PAFAH1B2: variants seen among roughly 807,000 people sequenced by gnomAD.
The protein encoded by PAFAH1B2 is platelet-activating factor acetylhydrolase IB subunit alpha2.
A neutral mutation model predicts 28.0 loss-of-function variants in PAFAH1B2; 8 were observed. The ratio of observed to expected loss-of-function variants is 0.29; its 90% confidence interval spans 0.17 to 0.52. The LOEUF is 0.52. Among genes scored for constraint, PAFAH1B2 ranks in the 20% least tolerant of loss-of-function variants. The pLI is 0.97. For synonymous variants in PAFAH1B2, 104 were observed against 103.2 expected (o/e 1.01, Z -0.05); for missense variants, 190 against 282.6 (o/e 0.67, Z 2.35).
intron 2 of PAFAH1B2, among the ~76,000 whole-genome samples, chr11:117,154,429 T>G (rs1191809269): frequency 6.6e-6 from 1 of 152,194 alleles, no homozygotes; most frequent in Non-Finnish European, 1.5e-5. Flanking sequence ...TTTTAAAAAT[T>G]TTTTTGGAGA....
downstream of PAFAH1B2, among the ~76,000 whole-genome samples, chr11:117,172,386 ATATATATATATATATATATTTT>A (rs1956684600): frequency 5.3e-4 from 1 of 1,876 alleles, no homozygotes; most frequent in African/African-American, 2.0e-3. Flanking sequence ...ATATATATAT[ATATATATATATATATATATTTT>A]TTTTTTTTTT....
In PAFAH1B2 at chr11:117,170,024, T is replaced by C; in HGVS notation, c.*2325T>C. On this transcript the variant is annotated 3_prime_UTR_variant, in exon 6 of 6. Transcript: ENST00000527958. Reference sequence around the variant, plus strand: ...TACCAGAGCTATTCAAGCAATAGTATTTGAACCACTAGCCTTTTAAATAAA... The same window carrying C: ...TACCAGAGCTATTCAAGCAATAGTACTTGAACCACTAGCCTTTTAAATAAA... The C allele has an allele frequency of 9.5e-7, 1 of 1,054,762 alleles. No individual in the cohort carries two copies. Among genetic ancestry groups the C allele is most frequent in the Non-Finnish European group, 1.1e-6 (1 of 872,762 alleles). The allele number at this position is 1,054,762 out of a possible 1,614,324, so 65.3% of individuals were successfully genotyped here. A position where few individuals can be genotyped will look rare whatever the true frequency, so the allele number is the denominator to read the frequency against.
At chr11:117,158,621 TATG>T (rs1171424255) in intron 2 of PAFAH1B2, among the ~76,000 whole-genome samples, 1 of 151,360 alleles carries the variant, frequency 6.6e-6, no homozygotes, top group Admixed American at 6.6e-5. Context: ...TTTTCCTAGT[TATG>T]ATAATAGTTT....
intron 2 of PAFAH1B2, among the ~76,000 whole-genome samples, chr11:117,157,032 C>CAAAAAAAAA (rs201278098): frequency 1.5e-5 from 1 of 67,748 alleles, no homozygotes; most frequent in Non-Finnish European, 3.2e-5. Context: ...CTCAAAATCT[C>CAAAAAAAAA]AAAAAAGAAA....
downstream of PAFAH1B2, chr11:117,175,909 A>T: frequency 6.5e-7 from 1 of 1,535,862 alleles, no homozygotes; most frequent in Non-Finnish European, 8.7e-7. Flanking sequence ...GTTTCAGATT[A>T]TTTACTGGCA....
chr11:117,172,348 TTATATATATATATATATATATATA>T (rs1213181198), downstream of PAFAH1B2, among the ~76,000 whole-genome samples: 1 of 91,234 alleles, frequency 1.1e-5, no homozygotes, highest in Admixed American at 1.4e-4. Flanking sequence ...CATTCTAGCT[TTATATATATATATATATATATATA>T]TATATATATA....
At chr11:117,153,993 G>C (rs1183166932) in intron 2 of PAFAH1B2, among the ~76,000 whole-genome samples, 3 of 151,170 alleles carry the variant, frequency 2.0e-5, no homozygotes, top group Admixed American at 6.6e-5. Context: ...CACGTTAGGA[G>C]GCCAGGGCAG....
chr11:117,171,644 A>G (rs1444103926), downstream of PAFAH1B2: 9 of 1,431,252 alleles, frequency 6.3e-6, no homozygotes, highest in Non-Finnish European at 8.6e-6. Context: ...GCCTCCAAAT[A>G]CTCTATCTCA....
Position 117,169,617 on chromosome 11 carries a change from T to A in PAFAH1B2, c.*1918T>A, listed in dbSNP as rs1269612810. The stretch of plus-strand genomic sequence containing the variant: ...TTTGTTCTTTTTAAAAAATACATAC[T>A]TTTTTGAATGTATCATGTCTTCATT... On this transcript the variant is annotated 3_prime_UTR_variant, in exon 6 of 6. Coordinates refer to ENST00000527958, the MANE Select transcript of PAFAH1B2 (RefSeq NM_002572.4). 1.9e-6 allele frequency: 2 copies of A among 1,050,500 alleles called. No homozygotes were observed. The highest frequency in any genetic ancestry group is 2.3e-6 in the Non-Finnish European group (2 of 868,956). 65.1% of individuals were successfully genotyped at this position (1,050,500 alleles called of 1,614,324 possible).
rs979975015 is a variant in PAFAH1B2 at position 117,167,990 on chromosome 11, C to T, written c.*291C>T. ...TTCATTGAATTATTATCACTGTTTTCTTGGGACAACATCAAGCCTAAATAC... is the reference window on the plus strand; with the variant it reads ...TTCATTGAATTATTATCACTGTTTTTTTGGGACAACATCAAGCCTAAATAC... On this transcript the variant is annotated 3_prime_UTR_variant, in exon 6 of 6. Transcript: ENST00000527958. 119 of 1,084,938 alleles carry T rather than the reference C, an allele frequency of 1.1e-4. No individual in the cohort carries two copies. The African/African-American group carries it at 1.9e-3, about 17-fold the overall frequency. The allele number at this position is 1,084,938 out of a possible 1,614,324, so 67.2% of individuals were successfully genotyped here.
chr11:117,159,963 C>A lies in PAFAH1B2; in HGVS notation c.111C>A (p.Asp37Glu). The change falls in exon 3 of 6, where the codon GAC becomes GAA. Residue 37 changes from aspartate (D) to glutamate (E), a missense_variant. By Grantham distance (45) the Asp-to-Glu change is conservative. Coordinates refer to ENST00000527958, the MANE Select transcript of PAFAH1B2 (RefSeq NM_002572.4). ...ACAGATTTGTTTTGGACTGTAAAGA[C>A]AAAGAGCCTGATGTACTGTTCGTGG... ...QHNRFVLDCK[D>E]KEPDVLFVGD... 1 of 1,613,652 alleles carries A rather than the reference C, an allele frequency of 6.2e-7. No homozygotes were observed. Among genetic ancestry groups the A allele is most frequent in the Non-Finnish European group, 8.5e-7 (1 of 1,179,740 alleles).
At chr11:117,150,577 A>G (rs1956126160) in intron 1 of PAFAH1B2, among the ~76,000 whole-genome samples, 1 of 152,074 alleles carries the variant, frequency 6.6e-6, no homozygotes, top group Non-Finnish European at 1.5e-5. Context: ...GAGTGAAGGT[A>G]TGCTTTCACG....
At chr11:117,149,216 C>G (rs1956085715) in intron 1 of PAFAH1B2, among the ~76,000 whole-genome samples, 1 of 149,172 alleles carries the variant, frequency 6.7e-6, no homozygotes, top group Non-Finnish European at 1.5e-5. Context: ...TGCTGAGTAG[C>G]TGAGACTGCA....
At chr11:117,171,629 C>T (rs770980467), downstream of PAFAH1B2, 16 of 1,290,630 alleles carry the variant, frequency 1.2e-5, no homozygotes, top group Middle Eastern at 5.4e-4. Flanking sequence ...CAGGGTAAAG[C>T]AGCCGCCTCC....
intron 1 of PAFAH1B2, among the ~76,000 whole-genome samples, chr11:117,148,005 G>C (rs1047659641): frequency 6.6e-6 from 1 of 151,400 alleles, no homozygotes; most frequent in Admixed American, 6.6e-5. Flanking sequence ...AAGTATAAGT[G>C]AAACAACTTA....
intron 1 of PAFAH1B2, among the ~76,000 whole-genome samples, chr11:117,145,676 G>T (rs1955987413): frequency 6.6e-6 from 1 of 152,188 alleles, no homozygotes; most frequent in African/African-American, 2.4e-5. Flanking sequence ...AGGCTACCGG[G>T]CATTCAGGAT....
chr11:117,171,035 A>G lies in PAFAH1B2; in HGVS notation c.*3336A>G, dbSNP rs545763837. 3.8e-4 allele frequency: 392 copies of G among 1,030,908 alleles called. No homozygotes were observed. Among genetic ancestry groups the G allele is most frequent in the Non-Finnish European group, 4.4e-4 (377 of 857,350 alleles). The allele number at this position is 1,030,908 out of a possible 1,614,324, so 63.9% of individuals were successfully genotyped here. A position where few individuals can be genotyped will look rare whatever the true frequency, so the allele number is the denominator to read the frequency against. On this transcript the variant is annotated 3_prime_UTR_variant, in exon 6 of 6. Coordinates refer to ENST00000527958, the MANE Select transcript of PAFAH1B2 (RefSeq NM_002572.4). ...TGTATATTTCAATATAAATGTAAAC[A>G]TTTTGCTCAATTTGCTGGTGTCTTT...
intron 2 of PAFAH1B2, among the ~76,000 whole-genome samples, chr11:117,156,815 G>C (rs1384177193): frequency 6.6e-6 from 1 of 152,016 alleles, no homozygotes; most frequent in Non-Finnish European, 1.5e-5. Flanking sequence ...TTGAGTTCCA[G>C]ACCAGCCTGG....
downstream of PAFAH1B2, chr11:117,171,696 C>T (rs990924626): frequency 6.5e-6 from 10 of 1,535,584 alleles, no homozygotes; most frequent in South Asian, 4.8e-5. Flanking sequence ...ACTGGTCGAT[C>T]GGGACCTATC....
Sources: allele counts gnomAD v4.1 joint callset (sites outside exome capture counted in the v4.1 genomes callset), GRCh38; gene constraint gnomAD v4.1.1; transcripts MANE v1.5; gene names NCBI Gene and HGNC (gene_info 2026-07-23, HGNC 2026-07-21).